NUDCD3: variants seen among roughly 807,000 people sequenced by gnomAD.
NUDCD3 encodes nudC domain-containing protein 3.
A neutral mutation model predicts 39.7 loss-of-function variants in NUDCD3; 13 were observed. The ratio of observed to expected loss-of-function variants is 0.33; its 90% CI spans 0.21 to 0.52. The LOEUF (loss-of-function observed/expected upper bound fraction) is 0.52, where lower values mean the gene tolerates loss of function less well. Ranked by LOEUF, NUDCD3 falls within the 20% of genes least tolerant of loss-of-function variation. NUDCD3 has a pLI of 0.96. For synonymous variants in NUDCD3, 175 were observed against 172.4 expected, an observed-to-expected ratio of 1.02 and a Z score of -0.12; for missense variants, 453 against 458.1, an observed-to-expected ratio of 0.99 and a Z score of 0.10.
chr7:44,425,531 T>C (rs1799216916), intron 3 of NUDCD3, among the ~76,000 whole-genome samples: 1 of 152,184 alleles, frequency 6.6e-6, no homozygotes, highest in African/African-American at 2.4e-5. Flanking sequence ...ATGTTATTCT[T>C]ATCACAATTC....
intron 2 of NUDCD3, among the ~76,000 whole-genome samples, chr7:44,458,881 G>A (rs1479782199): frequency 6.6e-6 from 1 of 151,432 alleles, no homozygotes; most frequent in African/African-American, 2.4e-5. Flanking sequence ...GGAGAAAGGT[G>A]TGCAAGGACA....
chr7:44,404,107 G>A (rs1798773269), intron 4 of NUDCD3, among the ~76,000 whole-genome samples: 1 of 152,180 alleles, frequency 6.6e-6, no homozygotes. Flanking sequence ...TGGTCAATGA[G>A]CCTGATTCTC....
intron 2 of NUDCD3, among the ~76,000 whole-genome samples, chr7:44,442,202 C>T (rs928312087): frequency 5.3e-5 from 8 of 152,174 alleles, no homozygotes; most frequent in Non-Finnish European, 8.8e-5. Context: ...ATATTGTTAT[C>T]ATCAAAGAGG....
At chr7:44,467,949 A>G in intron 2 of NUDCD3, 1 of 1,610,240 alleles carries the variant, frequency 6.2e-7, no homozygotes, top group Non-Finnish European at 8.5e-7. Flanking sequence ...AAGAGAACCA[A>G]GAAGTTCATC....
In NUDCD3 at chr7:44,490,433, C is replaced by A. The variant is rs908002834; in HGVS notation, c.168G>T (p.Gly56=). 13 of 1,584,916 alleles carry A rather than the reference C, an allele frequency of 8.2e-6. No individual in the cohort carries two copies. The highest frequency in any genetic ancestry group is 1.1e-5 in the Non-Finnish European group (13 of 1,166,516). ...CCTGCAGCACCAAGGCCTGCGCGGC[C>A]CCGGGCGGGAAGCCCATGCGGTCCG... The part of the protein sequence containing the change: ...HPSDRMGFPP[G]AAQALVLQVF... Residue 56 remains glycine, a synonymous_variant, in exon 1 of 6, where the codon GGG becomes GGT. Coordinates refer to ENST00000355451, the MANE Select transcript of NUDCD3 (RefSeq NM_015332.4).
intron 2 of NUDCD3, among the ~76,000 whole-genome samples, chr7:44,458,646 G>A (rs1004163214): frequency 1.3e-5 from 2 of 148,510 alleles, no homozygotes; most frequent in African/African-American, 5.0e-5. Flanking sequence ...CAACAAGAGC[G>A]AAACTCTGTC....
chr7:44,394,629 A>G (rs1445362757), intron 4 of NUDCD3, among the ~76,000 whole-genome samples: 1 of 152,244 alleles, frequency 6.6e-6, no homozygotes, highest in Non-Finnish European at 1.5e-5. Context: ...TGTAAAACAC[A>G]TACCATTACC....
chr7:44,434,330 T>TA (rs1483810228), intron 2 of NUDCD3, among the ~76,000 whole-genome samples: 1 of 152,040 alleles, frequency 6.6e-6, no homozygotes, highest in Non-Finnish European at 1.5e-5. Flanking sequence ...CCTTTTCACT[T>TA]ACAAAGGGAC....
chr7:44,455,197 C>T (rs1799869157), intron 2 of NUDCD3, among the ~76,000 whole-genome samples: 1 of 151,976 alleles, frequency 6.6e-6, no homozygotes, highest in Non-Finnish European at 1.5e-5. Context: ...GACTACATTT[C>T]CAACTGTCTG....
intron 2 of NUDCD3, among the ~76,000 whole-genome samples, chr7:44,480,979 G>GA (rs781601614): frequency 0.028 from 2,509 of 88,558 alleles, 26 homozygotes; most frequent in Middle Eastern, 0.034. Context: ...CCAAAAATTT[G>GA]AAAAAAAAAA....
chr7:44,391,360 C>T (rs11770515), intron 5 of NUDCD3, among the ~76,000 whole-genome samples: 20,955 of 152,114 alleles, frequency 0.14, 1,909 homozygotes, highest in Non-Finnish European at 0.21. Flanking sequence ...TAGGCAAGAA[C>T]GGACGAGACA....
chr7:44,440,495 T>TAAAAAAAAAA (rs1799557392), intron 2 of NUDCD3, among the ~76,000 whole-genome samples: 2 of 46,608 alleles, frequency 4.3e-5, no homozygotes, highest in Non-Finnish European at 9.6e-5. Flanking sequence ...CCAGAAAAAT[T>TAAAAAAAAAA]GAAAAAAAAA....
intron 2 of NUDCD3, among the ~76,000 whole-genome samples, chr7:44,440,496 G>GAAAAAAAAAAAA (rs72065068): frequency 1.9e-4 from 9 of 48,408 alleles, no homozygotes; most frequent in Non-Finnish European, 3.2e-4. Flanking sequence ...CAGAAAAATT[G>GAAAAAAAAAAAA]AAAAAAAAAA....
intron 5 of NUDCD3, among the ~76,000 whole-genome samples, chr7:44,391,497 C>T (rs916026368): frequency 1.3e-5 from 2 of 152,262 alleles, no homozygotes; most frequent in Non-Finnish European, 2.9e-5. Context: ...AAGAAAATAT[C>T]GATCAGCGAT....
intron 2 of NUDCD3, among the ~76,000 whole-genome samples, chr7:44,442,128 T>C (rs973521469): frequency 1.3e-5 from 2 of 152,228 alleles, no homozygotes; most frequent in Non-Finnish European, 2.9e-5. Flanking sequence ...GAGTAAGTGT[T>C]AGCTGCAGTC....
At chr7:44,468,052 G>A (rs757015101) in intron 2 of NUDCD3, 4 of 1,612,964 alleles carry the variant, frequency 2.5e-6, no homozygotes, top group Admixed American at 1.7e-5. Flanking sequence ...TCAAGGGCCA[G>A]ATCTTGATGC....
intron 4 of NUDCD3, among the ~76,000 whole-genome samples, chr7:44,402,170 G>A (rs918765834): frequency 6.6e-6 from 1 of 152,186 alleles, no homozygotes; most frequent in Non-Finnish European, 1.5e-5. Flanking sequence ...TACCCGCTTC[G>A]CAAGCTACTT....
intron 2 of NUDCD3, among the ~76,000 whole-genome samples, chr7:44,463,533 C>T (rs548914063): frequency 6.6e-6 from 1 of 152,260 alleles, no homozygotes; most frequent in South Asian, 2.1e-4. Context: ...AAAAGGGCAA[C>T]AAATTCTACA....
At chr7:44,486,499 AGAT>A (rs1320286102) in intron 1 of NUDCD3, among the ~76,000 whole-genome samples, 2 of 152,124 alleles carry the variant, frequency 1.3e-5, no homozygotes, top group Non-Finnish European at 2.9e-5. Flanking sequence ...CAGTGTGGGG[AGAT>A]GATGATGTAG....
Sources: gnomAD v4.1 joint callset for allele counts (sites outside exome capture counted in the v4.1 genomes callset) on GRCh38, gnomAD v4.1.1 for gene constraint, MANE v1.5 for transcripts, NCBI Gene and HGNC (gene_info 2026-07-23, HGNC 2026-07-21) for gene names.